The following GCM2 variants were observed in gnomAD, a reference collection of about 807,000 sequenced individuals.
GCM2 encodes chorion-specific transcription factor GCMb.
Under a neutral mutation model 24.8 loss-of-function variants are expected in GCM2, and 21 were observed. That is an observed-to-expected ratio of 0.85 (90% CI 0.60 to 1.22). GCM2 has a LOEUF of 1.22. Among genes scored for constraint, GCM2 ranks in the 50% most tolerant of loss-of-function variants. GCM2 has a pLI of 0.00. For missense variants in GCM2, 532 were observed against 645.6 expected (o/e 0.82, Z 1.91); for synonymous variants, 222 against 238.0 (o/e 0.93, Z 0.62).
rs748513242 is a variant in GCM2 at position 10,881,772 on chromosome 6, C to A, written c.22G>T (p.Glu8Ter). The A allele has an allele frequency of 2.5e-6, 4 of 1,609,370 alleles. No individual in the cohort carries two copies. The highest frequency in any genetic ancestry group is 2.7e-5 in the African/African-American group (2 of 74,930). MPAAAVQ[E>*]AVGVCSYGMQ... ...CCGTAGGAGCACACGCCGACCGCTT[C>A]CTGCACCGCGGCCGCCGGCATCTGC... is the stretch of plus-strand genomic sequence containing the variant. Residue 8 changes from glutamate (E) to a stop codon, truncating the protein, a stop_gained, in exon 1 of 5, where the codon GAA (glutamate) becomes TAA (stop). Coordinates refer to ENST00000379491, the MANE Select transcript of GCM2 (RefSeq NM_004752.4). LOFTEE classifies it high-confidence loss of function.
chr6:10,876,294 C>A, intron 3 of GCM2, 151 bp downstream of exon 3: 1 of 718,346 alleles, frequency 1.4e-6, no homozygotes, highest in South Asian at 1.5e-5. Flanking sequence ...TCTAGGCTCC[C>A]GCTAGGTCCC....
At position 10,877,399 on chromosome 6, in the gene GCM2, G is replaced by A. The variant is rs549670381; in HGVS notation, c.91-7C>T. 59 of 1,614,042 alleles carry A rather than the reference G, an allele frequency of 3.7e-5. No individual in the cohort carries two copies. The Middle Eastern group carries it at 1.3e-3, about 36-fold the overall frequency. ...GGTCAAAGAGGGCCAGCTCCTGGAA[G>A]AGTGCAGAAGGAAGGGTGGTCAGTC... On this transcript the variant is annotated splice_polypyrimidine_tract_variant and splice_region_variant and intron_variant, in intron 1 of 4. Transcript: ENST00000379491.
chr6:10,881,192 C>T (rs1779952447), intron 1 of GCM2, among the ~76,000 whole-genome samples: 1 of 151,968 alleles, frequency 6.6e-6, no homozygotes, highest in African/African-American at 2.4e-5. Flanking sequence ...GAGTTTTGCT[C>T]TTGTTGCCCA....
Position 10,877,343 on chromosome 6 carries a change from C to A in GCM2, c.140G>T (p.Arg47Leu), listed in dbSNP as rs104893959. 1.2e-5 allele frequency: 19 copies of A among 1,614,120 alleles called. No homozygotes were observed. The South Asian group carries it at 2.1e-4, about 18-fold the overall frequency. ...CTTCTCATCGCTGCTGTAGATGAAGCGCACATAGCCGTCAGGCCACTCTCG... is the reference window on the plus strand; with the variant it reads ...CTTCTCATCGCTGCTGTAGATGAAGAGCACATAGCCGTCAGGCCACTCTCG... ...QFREWPDGYV[R>L]FIYSSDEKKA... Residue 47 changes from arginine (R) to leucine (L), a missense_variant, in exon 2 of 5, where the codon CGC (arginine) becomes CTC (leucine). By Grantham distance (102) the Arg-to-Leu change is moderately radical. Transcript: ENST00000379491.
chr6:10,876,522 A>C lies in GCM2; in HGVS notation c.379T>G (p.Leu127Val), dbSNP rs1467120102. 1.2e-6 allele frequency: 2 copies of C among 1,613,766 alleles called. No individual in the cohort carries two copies. The highest frequency in any genetic ancestry group is 1.3e-5 in the African/African-American group (1 of 74,910). ...CCGCTGTGCCCTCGACAAGGAATCA[A>C]CTCCAAAGCAGAATGACAGTTAGGG... Reference protein sequence around the residue: ...ACPNCHSALELIPCRGHSGYP... With the variant: ...ACPNCHSALEVIPCRGHSGYP... Residue 127 changes from leucine (L) to valine (V), a missense_variant, in exon 3 of 5, where the codon TTG (leucine) becomes GTG (valine). Coordinates refer to ENST00000379491, the MANE Select transcript of GCM2 (RefSeq NM_004752.4).
chr6:10,879,012 C>T (rs945615966), intron 1 of GCM2, among the ~76,000 whole-genome samples: 3 of 152,194 alleles, frequency 2.0e-5, no homozygotes, highest in African/African-American at 7.2e-5. Flanking sequence ...GACTTGTATA[C>T]ATCATTAATA....
Position 10,880,053 on chromosome 6 carries a change from C to T in GCM2, c.90+1651G>A, listed in dbSNP as rs145258796. Among the ~76,000 whole-genome samples the T allele has an allele frequency of 3.9e-3, 586 of 152,200 alleles. 3 individuals carry two copies. The highest frequency in any genetic ancestry group is 0.013 in the African/African-American group (560 of 41,520). On this transcript the variant is annotated intron_variant, in intron 1 of 4. Coordinates refer to ENST00000379491, the MANE Select transcript of GCM2 (RefSeq NM_004752.4). ...GGTGGATCAGCTGAGGTCAGGAGTT[C>T]GAGACCAGCCTGACCAACATGGAGA...
rs35911329 is a variant in GCM2, at chr6:10,881,554, ATGTGTGTGTGTGTGTGTGTGTG to A, written c.90+128_90+149del. Reference sequence around the variant, plus strand: ...TCAGAAACCCAGAAATTTTGCGGGTATGTGTGTGTGTGTGTGTGTGTGTGTGTGTGTGTGTGTGTGTGTGTGT... The same window carrying A: ...TCAGAAACCCAGAAATTTTGCGGGTATGTGTGTGTGTGTGTGTGTGTGTGT... On this transcript the variant is annotated intron_variant, in intron 1 of 4. Transcript: ENST00000379491. 3.1e-3 allele frequency: 1,321 copies of A among 429,752 alleles called. 10 individuals carry two copies. The highest frequency in any genetic ancestry group is 9.5e-3 in the East Asian group (214 of 22,562). The allele number at this position is 429,752 out of a possible 1,614,324, so 26.6% of individuals were successfully genotyped here.
chr6:10,881,638 G>C (rs1779960636), intron 1 of GCM2, 66 bp downstream of exon 1: 2 of 992,466 alleles, frequency 2.0e-6, no homozygotes, highest in Admixed American at 1.8e-5. Context: ...TCAAGAACTC[G>C]AATGCCATTC....
chr6:10,874,029 C>A lies in GCM2; in HGVS notation c.1487G>T (p.Gly496Val), dbSNP rs1329927636. ...CTCATTGTTGTAGGTAAAGAAGGGA[C>A]CCACTCTGTCTGAGTAACTGACTGC... ...GSAVSYSDRVGPFFTYNNEDF is the reference protein window; with the variant it reads ...GSAVSYSDRVVPFFTYNNEDF Residue 496 changes from glycine to valine, a missense_variant, in exon 5 of 5, where the codon GGT becomes GTT. Coordinates refer to ENST00000379491, the MANE Select transcript of GCM2 (RefSeq NM_004752.4). The A allele has an allele frequency of 1.2e-6, 2 of 1,614,140 alleles. No homozygotes were observed. The highest frequency in any genetic ancestry group is 1.7e-6 in the Non-Finnish European group (2 of 1,179,976).
chr6:10,881,100 G>T (rs1260886695), intron 1 of GCM2, among the ~76,000 whole-genome samples: 1 of 152,186 alleles, frequency 6.6e-6, no homozygotes, highest in Non-Finnish European at 1.5e-5. Context: ...CTGCTGCTTT[G>T]CTTGTGATTT....
In GCM2 at chr6:10,876,460, G is replaced by A. The variant is rs1262487190; in HGVS notation, c.441C>T (p.Asn147=). 20 of 1,609,594 alleles carry A rather than the reference G, an allele frequency of 1.2e-5. 1 individual carries two copies. In the East Asian group the frequency reaches 2.7e-4, roughly 22 times the overall value. ...PVTNFWRLDG[N]AIFFQAKGVH... Reference sequence around the variant, plus strand: ...CCTGACCTACCTGAAAAAAGATCGCGTTGCCATCAAGCCGCCAAAAGTTGG... The same window carrying A: ...CCTGACCTACCTGAAAAAAGATCGCATTGCCATCAAGCCGCCAAAAGTTGG... Residue 147 remains asparagine, a synonymous_variant, in exon 3 of 5, where the codon AAC becomes AAT. Coordinates refer to ENST00000379491, the MANE Select transcript of GCM2 (RefSeq NM_004752.4).
At position 10,874,387 on chromosome 6, in the gene GCM2, G is replaced by A; in HGVS notation, c.1129C>T (p.Pro377Ser). 6.2e-7 allele frequency: 1 copy of A among 1,614,196 alleles called. No homozygotes were observed. Among genetic ancestry groups the A allele is most frequent in the Non-Finnish European group, 8.5e-7 (1 of 1,180,036 alleles). Residue 377 changes from proline (P) to serine (S), a missense_variant, in exon 5 of 5, where the codon CCT becomes TCT. Coordinates refer to ENST00000379491, the MANE Select transcript of GCM2 (RefSeq NM_004752.4). ...RYLTTPPPGA[P>S]ALQTVITTTT... The stretch of plus-strand genomic sequence containing the variant: ...GTGGTGATCACGGTTTGTAGGGCAG[G>A]GGCACCTGGTGGTGGAGTCGTGAGG...
Position 10,878,613 on chromosome 6 carries a change from C to T in GCM2, c.91-1221G>A, listed in dbSNP as rs1297417885. On this transcript the variant is annotated intron_variant, in intron 1 of 4. Coordinates refer to ENST00000379491, the MANE Select transcript of GCM2 (RefSeq NM_004752.4). ...GATTACAGGCATAAGCCACCATGCC[C>T]GGCCACTGAGCACTTTCTTTTATGT... Among the ~76,000 whole-genome samples, 9 of 152,202 alleles carry T rather than the reference C, an allele frequency of 5.9e-5. No individual in the cohort carries two copies. In the East Asian group the frequency reaches 9.6e-4, roughly 16 times the overall value.
intron 4 of GCM2, 35 bp from the exon 5 acceptor site, chr6:10,874,968 G>A: frequency 7.1e-7 from 1 of 1,410,670 alleles, no homozygotes; most frequent in Non-Finnish European, 1.0e-6. Context: ...CACACGCTAT[G>A]TAAATCGTGT....
Position 10,877,660 on chromosome 6 carries a change from C to T in GCM2, c.91-268G>A, listed in dbSNP as rs926515206. ...AGGCAAACAATTATTTCCAATTTGC[C>T]GATGAGGACATGGAGGCCAGAGAGG... On this transcript the variant is annotated intron_variant, in intron 1 of 4. Transcript: ENST00000379491. 3.9e-5 allele frequency among the ~76,000 whole-genome samples: 6 copies of T among 152,186 alleles called. No individual in the cohort carries two copies. The East Asian group carries it at 7.7e-4, about 20-fold the overall frequency.
chr6:10,879,731 G>A (rs1411388753), intron 1 of GCM2, among the ~76,000 whole-genome samples: 2 of 152,156 alleles, frequency 1.3e-5, no homozygotes, highest in Non-Finnish European at 2.9e-5. Flanking sequence ...CATGCTTCCT[G>A]CTTAACAACC....
rs61734278 is a variant in GCM2 at position 10,874,456 on chromosome 6, T to C, written c.1060A>G (p.Met354Val). The C allele has an allele frequency of 2.3e-3, 3,680 of 1,614,196 alleles. 59 individuals carry two copies. In the African/African-American group the frequency reaches 0.041, roughly 18 times the overall value. Residue 354 changes from methionine (M) to valine (V), a missense_variant, in exon 5 of 5, where the codon ATG (methionine) becomes GTG (valine). Met to Val is a conservative substitution (Grantham distance 21). Around this residue, in one of 3 missense-constraint regions of GCM2, gnomAD observed 434 missense variants for 521.9 expected, o/e 0.83. Coordinates refer to ENST00000379491, the MANE Select transcript of GCM2 (RefSeq NM_004752.4). Reference protein sequence around the residue: ...ERTNHGQFQAMATRPYYNPEL... With the variant: ...ERTNHGQFQAVATRPYYNPEL... Reference sequence around the variant, plus strand: ...GGGTTATAATAAGGGCGAGTGGCCATGGCCTGAAACTGCCCATGGTTAGTC... The same window carrying C: ...GGGTTATAATAAGGGCGAGTGGCCACGGCCTGAAACTGCCCATGGTTAGTC...
intron 2 of GCM2, 103 bp from the exon 3 acceptor site, chr6:10,876,660 T>A (rs558935944): frequency 9.2e-5 from 75 of 816,298 alleles, no homozygotes; most frequent in Admixed American, 2.2e-4. Context: ...TCGGGCGCGG[T>A]GGCTCACGCC....
Sources: gnomAD v4.1 joint callset for allele counts (sites outside exome capture counted in the v4.1 genomes callset) on GRCh38, gnomAD v4.1.1 for gene constraint, gnomAD v4.1.1 regional missense constraint, MANE v1.5 for transcripts, NCBI Gene and HGNC (gene_info 2026-07-23, HGNC 2026-07-21) for gene names.